Variants in ZRANB1 observed in about 807,000 individuals in gnomAD.
ZRANB1 encodes zinc finger RANBP2-type containing 1.
Under a neutral mutation model 80.5 loss-of-function variants are expected in ZRANB1, and 16 were observed. The observed-to-expected ratio is 0.20, with a 90% CI of 0.13 to 0.30. The LOEUF is 0.30. Among genes scored for constraint, ZRANB1 ranks in the 10% least tolerant of loss-of-function variants. The pLI is 1.00. For missense variants in ZRANB1, 576 were observed against 862.6 expected (o/e 0.67, Z 4.16); for synonymous variants, 291 against 293.1 (o/e 0.99, Z 0.07).
At chr10:124,929,002 G>A in the ZRANB1 span, among the ~76,000 whole-genome samples, 2 of 152,210 alleles carry the variant, frequency 1.3e-5, no homozygotes, top group Non-Finnish European at 2.9e-5. Flanking sequence ...TGTAAGTAAG[G>A]CTGGGGAGTT....
At chr10:124,955,310 A>G (rs1225786698) in intron 1 of ZRANB1, among the ~76,000 whole-genome samples, 2 of 151,466 alleles carry the variant, frequency 1.3e-5, no homozygotes, top group African/African-American at 4.9e-5. Context: ...ATCTCGGCTC[A>G]CTGCAACCTC....
upstream of ZRANB1, among the ~76,000 whole-genome samples, chr10:124,937,821 G>A (rs1219883947): frequency 6.6e-6 from 1 of 152,140 alleles, no homozygotes; most frequent in Admixed American, 6.5e-5. Flanking sequence ...CATTCTACAG[G>A]CAGAGCTTGA....
At chr10:124,931,135 G>T in the ZRANB1 span, among the ~76,000 whole-genome samples, 15 of 152,218 alleles carry the variant, frequency 9.9e-5, no homozygotes, top group Non-Finnish European at 1.5e-4. Flanking sequence ...TAGTGCAGTG[G>T]TGTGATCATA....
At chr10:124,926,415 C>T in the ZRANB1 span, among the ~76,000 whole-genome samples, 1 of 152,132 alleles carries the variant, frequency 6.6e-6, no homozygotes, top group Non-Finnish European at 1.5e-5. Context: ...TAGATCCTTA[C>T]CTTATAAGCT....
chr10:124,982,111 G>A (rs943697086), intron 6 of ZRANB1, among the ~76,000 whole-genome samples: 1 of 152,202 alleles, frequency 6.6e-6, no homozygotes, highest in Non-Finnish European at 1.5e-5. Context: ...ACATCAAAAA[G>A]TGAAAGCTGT....
At chr10:124,930,801 G>A in the ZRANB1 span, among the ~76,000 whole-genome samples, 126 of 152,252 alleles carry the variant, frequency 8.3e-4, no homozygotes, top group African/African-American at 2.7e-3. Flanking sequence ...TTGGAAGGCT[G>A]AGTCGAGAAG....
At chr10:124,934,973 A>T in the ZRANB1 span, among the ~76,000 whole-genome samples, 1 of 152,010 alleles carries the variant, frequency 6.6e-6, no homozygotes, top group African/African-American at 2.4e-5. Context: ...ATGTGAGAAC[A>T]GTATGTTTAA....
At chr10:124,951,957 A>T (rs543203023) in intron 1 of ZRANB1, among the ~76,000 whole-genome samples, 1 of 152,278 alleles carries the variant, frequency 6.6e-6, no homozygotes, top group South Asian at 2.1e-4. Context: ...ACTCTGTCTC[A>T]AAATAAATAA....
chr10:124,934,164 G>A, the ZRANB1 span, among the ~76,000 whole-genome samples: 1 of 152,090 alleles, frequency 6.6e-6, no homozygotes. Flanking sequence ...AGTTGTAGAG[G>A]GTAATCACCT....
At chr10:124,918,620 A>T in the ZRANB1 span, among the ~76,000 whole-genome samples, 2 of 152,378 alleles carry the variant, frequency 1.3e-5, no homozygotes, top group African/African-American at 4.8e-5. Flanking sequence ...TGGATGACTC[A>T]GTGTACAAAC....
chr10:124,965,804 C>G (rs957657135), intron 1 of ZRANB1, among the ~76,000 whole-genome samples: 3 of 152,098 alleles, frequency 2.0e-5, no homozygotes, highest in Non-Finnish European at 4.4e-5. Context: ...TACCAGACTG[C>G]TTAGTAGACA....
chr10:124,918,081 A>G, the ZRANB1 span, among the ~76,000 whole-genome samples: 8 of 152,326 alleles, frequency 5.3e-5, no homozygotes, highest in Admixed American at 6.5e-5. Context: ...TCCGTAGACT[A>G]TCGATTTAAG....
upstream of ZRANB1, among the ~76,000 whole-genome samples, chr10:124,939,134 C>T (rs915176353): frequency 4.9e-4 from 74 of 152,006 alleles, no homozygotes; most frequent in African/African-American, 1.7e-3. Flanking sequence ...CAAGATTGTG[C>T]CACTGCACTC....
At position 124,959,349 on chromosome 10, in the gene ZRANB1, G is replaced by T. The variant is rs528349994; in HGVS notation, c.815-7245G>T. ...TCAGTTGGTTGGAGTGTAGAATGAG[G>T]ACTGTGAGAGAGAACCTGTAGGGAA... On this transcript the variant is annotated intron_variant, in intron 1 of 8. Coordinates refer to ENST00000359653, the MANE Select transcript of ZRANB1 (RefSeq NM_017580.3). Among the ~76,000 whole-genome samples the T allele has an allele frequency of 5.6e-4, 85 of 152,174 alleles. 1 individual carries two copies. Among genetic ancestry groups the T allele is most frequent in the East Asian group, 9.7e-4 (5 of 5,178 alleles).
intron 2 of ZRANB1, 61 bp downstream of exon 2, chr10:124,966,842 C>A: frequency 6.9e-7 from 1 of 1,443,510 alleles, no homozygotes; most frequent in South Asian, 1.3e-5. Context: ...CTTTAGTTTT[C>A]ATTTTTGATT....
At chr10:124,949,098 T>C (rs1951608879) in intron 1 of ZRANB1, among the ~76,000 whole-genome samples, 1 of 152,196 alleles carries the variant, frequency 6.6e-6, no homozygotes. Context: ...CACCAGGCAG[T>C]CTATGGACAT....
upstream of ZRANB1, among the ~76,000 whole-genome samples, chr10:124,941,220 G>A (rs531177105): frequency 3.3e-5 from 5 of 151,666 alleles, no homozygotes; most frequent in Non-Finnish European, 5.9e-5. Context: ...AATTAAATTT[G>A]TTATGTAAGT....
At chr10:124,922,723 C>T in the ZRANB1 span, among the ~76,000 whole-genome samples, 8 of 151,018 alleles carry the variant, frequency 5.3e-5, no homozygotes, top group African/African-American at 1.9e-4. Context: ...CTCGAACTGA[C>T]CTCGTGATCT....
In ZRANB1 at chr10:124,988,008, G is replaced by A. The variant is rs1291106549; in HGVS notation, c.*3016G>A. On this transcript the variant is annotated 3_prime_UTR_variant, in exon 9 of 9. Transcript: ENST00000359653. ...GGTTCACTTCCCTCCCTTGAACCAGGTCCAGGTCATTTTGCTTTGGGGTAG... is the reference window on the plus strand; with the variant it reads ...GGTTCACTTCCCTCCCTTGAACCAGATCCAGGTCATTTTGCTTTGGGGTAG... 1 of 152,414 alleles carries A rather than the reference G, an allele frequency of 6.6e-6. No homozygotes were observed. Among genetic ancestry groups the A allele is most frequent in the Admixed American group, 6.6e-5 (1 of 15,266 alleles). 9.4% of individuals were successfully genotyped at this position (152,414 alleles called of 1,614,324 possible).
Sources: gnomAD v4.1 joint callset for allele counts (sites outside exome capture counted in the v4.1 genomes callset) on GRCh38, gnomAD v4.1.1 for gene constraint, MANE v1.5 for transcripts, NCBI Gene and HGNC (gene_info 2026-07-23, HGNC 2026-07-21) for gene names.